The following MLPH variants were observed in gnomAD, a reference collection of about 807,000 sequenced individuals.
MLPH encodes the protein melanophilin, also known as exophilin-3.
A neutral mutation model predicts 72.1 loss-of-function variants in MLPH; 51 were observed. The observed-to-expected ratio is 0.71, with a 90% CI of 0.56 to 0.89. The LOEUF is 0.89. MLPH is among the 40% of genes least tolerant of loss of function. MLPH has a pLI of 0.00. For missense variants in MLPH, 743 were observed against 759.9 expected, an observed-to-expected ratio of 0.98 and a Z score of 0.26; for synonymous variants, 301 against 310.1, an observed-to-expected ratio of 0.97 and a Z score of 0.31.
intron 2 of MLPH, 51 bp downstream of exon 2, chr2:237,493,587 C>G (rs759237193): frequency 1.4e-6 from 2 of 1,424,614 alleles, no homozygotes; most frequent in South Asian, 2.3e-5. Flanking sequence ...GATCTTCCCC[C>G]AGGGCCATCA....
Position 237,518,642 on chromosome 2 carries a change from C to A in MLPH, c.549C>A (p.Gly183=). The change falls in exon 5 of 16, where the codon GGC becomes GGA. Residue 183 remains glycine, a synonymous_variant. Transcript: ENST00000264605. ...CCCAGGCCCAGGCCCAGCCCTTTGG[C>A]AGCAAAGTAAGTCATCTCCAGCCAC... ...SEAQAQAQPF[G]SKKKRLLSVH... 1.2e-6 allele frequency: 2 copies of A among 1,612,288 alleles called. No individual in the cohort carries two copies. Among genetic ancestry groups the A allele is most frequent in the Non-Finnish European group, 1.7e-6 (2 of 1,179,354 alleles).
intron 4 of MLPH, among the ~76,000 whole-genome samples, chr2:237,517,278 G>A (rs1410227600): frequency 1.3e-5 from 2 of 151,058 alleles, no homozygotes; most frequent in Non-Finnish European, 3.0e-5. Flanking sequence ...TGGATAGATG[G>A]GTGGATGCAT....
At chr2:237,488,298 G>A (rs1361617740) in intron 1 of MLPH, among the ~76,000 whole-genome samples, 2 of 152,150 alleles carry the variant, frequency 1.3e-5, no homozygotes, top group Non-Finnish European at 2.9e-5. Context: ...TCAGGAAAAG[G>A]CTTCTGGACT....
chr2:237,548,880 A>G (rs1330555886), intron 13 of MLPH, among the ~76,000 whole-genome samples: 1 of 152,170 alleles, frequency 6.6e-6, no homozygotes, highest in Non-Finnish European at 1.5e-5. Context: ...CTCCATCTCA[A>G]ACAAAAAAAG....
At chr2:237,498,707 C>G (rs67815105) in intron 2 of MLPH, among the ~76,000 whole-genome samples, 26,177 of 152,210 alleles carry the variant, frequency 0.17, 3,177 homozygotes, top group African/African-American at 0.33. Flanking sequence ...ATCTCTCTCT[C>G]AAGTCATCTG....
chr2:237,516,739 G>A (rs972476784), intron 4 of MLPH, among the ~76,000 whole-genome samples: 6 of 151,954 alleles, frequency 3.9e-5, no homozygotes, highest in Non-Finnish European at 5.9e-5. Flanking sequence ...TTCGCTGGAT[G>A]TTTCTCAGTG....
chr2:237,552,773 A>G (rs2081064656), intron 15 of MLPH, among the ~76,000 whole-genome samples: 1 of 152,180 alleles, frequency 6.6e-6, no homozygotes, highest in South Asian at 2.1e-4. Context: ...ACCCCAAGAG[A>G]GTTCACCTAA....
chr2:237,493,119 C>T (rs564462580), intron 1 of MLPH, among the ~76,000 whole-genome samples: 1 of 152,164 alleles, frequency 6.6e-6, no homozygotes, highest in Non-Finnish European at 1.5e-5. Context: ...AGATCACTGA[C>T]GTTCATCCCA....
At chr2:237,520,075 A>C in intron 6 of MLPH, 46 bp downstream of exon 6, 1 of 1,613,038 alleles carries the variant, frequency 6.2e-7, no homozygotes, top group Non-Finnish European at 8.5e-7. Context: ...CAGGAACCTG[A>C]GTGGCAGGTG....
chr2:237,545,408 T>C, intron 12 of MLPH: 2 of 1,261,498 alleles, frequency 1.6e-6, no homozygotes, highest in Non-Finnish European at 2.1e-6. Context: ...AGCTGTGCCT[T>C]TGTTGGGGTT....
intron 2 of MLPH, among the ~76,000 whole-genome samples, chr2:237,507,919 G>A (rs189371843): frequency 5.3e-4 from 81 of 152,130 alleles, no homozygotes; most frequent in South Asian, 2.1e-3. Flanking sequence ...GGTGGCGATC[G>A]GAACAATTGC....
At chr2:237,549,347 C>T in intron 14 of MLPH, 69 bp downstream of exon 14, 6 of 1,331,896 alleles carry the variant, frequency 4.5e-6, no homozygotes, top group Admixed American at 3.4e-5. Context: ...AATGACCAGT[C>T]GCAGCTCTGT....
At chr2:237,548,830 G>A (rs10181753) in intron 13 of MLPH, among the ~76,000 whole-genome samples, 1 of 152,164 alleles carries the variant, frequency 6.6e-6, no homozygotes, top group Non-Finnish European at 1.5e-5. Flanking sequence ...AGTGAGCCGC[G>A]ATCGCACCAC....
In MLPH at chr2:237,527,488, G is replaced by A. The variant is rs113169138; in HGVS notation, c.992G>A (p.Arg331Gln). 2.3e-4 allele frequency: 377 copies of A among 1,614,196 alleles called. 2 individuals carry two copies. In the African/African-American group the frequency reaches 4.0e-3, roughly 17 times the overall value. Residue 331 changes from arginine to glutamine, a missense_variant, in exon 8 of 16, where the codon CGG becomes CAG. Coordinates refer to ENST00000264605, the MANE Select transcript of MLPH (RefSeq NM_024101.7). ...GTGATGGCCTCCCACCATTCCAAGCGGAGAGGCCGGGCGTCTTCTGAGAGT... is the reference window on the plus strand; with the variant it reads ...GTGATGGCCTCCCACCATTCCAAGCAGAGAGGCCGGGCGTCTTCTGAGAGT... ...AHVMASHHSK[R>Q]RGRASSESQI...
chr2:237,516,192 C>T (rs2080013553), intron 4 of MLPH, among the ~76,000 whole-genome samples: 1 of 152,232 alleles, frequency 6.6e-6, no homozygotes, highest in Non-Finnish European at 1.5e-5. Context: ...CAGCTGTGCC[C>T]TCAGCCCCTG....
rs10173589 is a variant in MLPH at position 237,549,041 on chromosome 2, A to G, written c.1618-180A>G. 0.23 allele frequency among the ~76,000 whole-genome samples: 35,582 copies of G among 152,190 alleles called. 4,679 individuals are homozygous for G. The highest frequency in any genetic ancestry group is 0.36 in the African/African-American group (14,805 of 41,470). ...GAGCATCTCTTATTTCAGGCATTTC[A>G]TGCTTAATTTATTGAAAATGTCCAT... On this transcript the variant is annotated intron_variant, in intron 13 of 15. Coordinates refer to ENST00000264605, the MANE Select transcript of MLPH (RefSeq NM_024101.7).
At chr2:237,494,293 T>C (rs1258826610) in intron 2 of MLPH, among the ~76,000 whole-genome samples, 1 of 151,952 alleles carries the variant, frequency 6.6e-6, no homozygotes, top group Non-Finnish European at 1.5e-5. Flanking sequence ...AGGGCCCCGC[T>C]GAAGATGGCA....
At chr2:237,522,499 G>C (rs1332629879) in intron 6 of MLPH, among the ~76,000 whole-genome samples, 4 of 130,650 alleles carry the variant, frequency 3.1e-5, no homozygotes, top group African/African-American at 9.1e-5. Flanking sequence ...TGAGACTGGG[G>C]TTGGGCCTTC....
chr2:237,489,230 G>A (rs2079380860), intron 1 of MLPH, among the ~76,000 whole-genome samples: 2 of 152,232 alleles, frequency 1.3e-5, no homozygotes, highest in Admixed American at 6.5e-5. Flanking sequence ...GAGGCTTTAG[G>A]TGTAAATGCA....
Sources: gnomAD v4.1 joint callset for allele counts (sites outside exome capture counted in the v4.1 genomes callset) on GRCh38, gnomAD v4.1.1 for gene constraint, MANE v1.5 for transcripts, NCBI Gene and HGNC (gene_info 2026-07-23, HGNC 2026-07-21) for gene names.